The following SCYL1 variants were observed in gnomAD, a reference collection of about 807,000 sequenced individuals.
The protein encoded by SCYL1 is N-terminal kinase-like protein.
Under a neutral mutation model 94.8 loss-of-function variants are expected in SCYL1, and 85 were observed. The ratio of observed to expected loss-of-function variants is 0.90; its 90% CI spans 0.75 to 1.07. SCYL1 has a LOEUF of 1.07. Ranked by LOEUF, SCYL1 falls within the 50% of genes least tolerant of loss-of-function variation. The pLI, the probability that SCYL1 is intolerant of heterozygous loss-of-function variation, is 0.00. For missense variants in SCYL1, 968 were observed against 1,083.3 expected, an observed-to-expected ratio of 0.89 and a Z score of 1.49; for synonymous variants, 459 against 435.5, an observed-to-expected ratio of 1.05 and a Z score of -0.67.
intron 10 of SCYL1, 89 bp downstream of exon 10, chr11:65,535,471 T>C: frequency 6.6e-7 from 1 of 1,509,966 alleles, no homozygotes. Flanking sequence ...GTGGGGGCCT[T>C]CATTCTCCCA....
rs375553812 is a variant in SCYL1 at position 65,531,593 on chromosome 11, C to T, written c.1026C>T (p.Ser342=). 2.9e-5 allele frequency: 47 copies of T among 1,613,636 alleles called. No individual in the cohort carries two copies. Among genetic ancestry groups the T allele is most frequent in the Non-Finnish European group, 3.6e-5 (43 of 1,179,710 alleles). Reference sequence around the variant, plus strand: ...CCTTTCAGGTGGGCAAGTTCCTGAGCGCTGAGGAGTATCAGCAGAAGATCA... The same window carrying T: ...CCTTTCAGGTGGGCAAGTTCCTGAGTGCTGAGGAGTATCAGCAGAAGATCA... ...TPLFKVGKFL[S]AEEYQQKIIP... The change falls in exon 8 of 18, where the codon AGC becomes AGT. Residue 342 remains serine, a synonymous_variant. Coordinates refer to ENST00000270176, the MANE Select transcript of SCYL1 (RefSeq NM_020680.4).
rs755472981 is a variant in SCYL1, at chr11:65,537,073, C to T, written c.1904C>T (p.Ala635Val). ...WETQEEDKDT[A>V]EDSSTADRWD... ...ACGCAGGAGGAGGACAAGGACACAGCAGAGGACAGCAGCACTGCTGACAGA... is the reference window on the plus strand; with the variant it reads ...ACGCAGGAGGAGGACAAGGACACAGTAGAGGACAGCAGCACTGCTGACAGA... The change falls in exon 14 of 18, where the codon GCA becomes GTA. Residue 635 changes from alanine (A) to valine (V), a missense_variant. Ala to Val is a moderately conservative substitution (Grantham distance 64). Coordinates refer to ENST00000270176, the MANE Select transcript of SCYL1 (RefSeq NM_020680.4). 1.2e-6 allele frequency: 2 copies of T among 1,614,162 alleles called. No individual in the cohort carries two copies. The highest frequency in any genetic ancestry group is 1.1e-5 in the South Asian group (1 of 91,082).
At chr11:65,536,915 C>T in intron 13 of SCYL1, 71 bp from the exon 14 acceptor site, 1 of 1,207,770 alleles carries the variant, frequency 8.3e-7, no homozygotes, top group South Asian at 1.3e-5. Context: ...CCCCCAGTAG[C>T]CCCCTTCCCC....
chr11:65,534,561 G>A (rs1855549970), intron 9 of SCYL1, among the ~76,000 whole-genome samples: 1 of 152,212 alleles, frequency 6.6e-6, no homozygotes, highest in Admixed American at 6.5e-5. Context: ...GAGATGTCGA[G>A]TTGGCCACTG....
rs1331707868 is a variant in SCYL1 at position 65,526,689 on chromosome 11, C to A, written c.603-94C>A. On this transcript the variant is annotated intron_variant, in intron 4 of 17. Coordinates refer to ENST00000270176, the MANE Select transcript of SCYL1 (RefSeq NM_020680.4). The surrounding 1 kb of genome is among the most constrained non-coding windows in gnomAD (Gnocchi z 4.1). ...GGCTCAGCTGAGGGACATAGCCAGG[C>A]CCTGGCATGCAGTGGGTGCCTGGTG... is the stretch of plus-strand genomic sequence containing the variant. 2.5e-6 allele frequency: 3 copies of A among 1,212,550 alleles called. No individual in the cohort carries two copies. The highest frequency in any genetic ancestry group is 1.3e-5 in the South Asian group (1 of 75,228). 75.1% of individuals were successfully genotyped at this position (1,212,550 alleles called of 1,614,324 possible).
intron 9 of SCYL1, among the ~76,000 whole-genome samples, chr11:65,534,638 A>G (rs951968146): frequency 1.3e-5 from 2 of 152,188 alleles, no homozygotes; most frequent in African/African-American, 4.8e-5. Flanking sequence ...GTCAGCTCAC[A>G]AGATGGCATT....
At chr11:65,534,610 G>A (rs1199781441) in intron 9 of SCYL1, among the ~76,000 whole-genome samples, 1 of 152,150 alleles carries the variant, frequency 6.6e-6, no homozygotes, top group Non-Finnish European at 1.5e-5. Context: ...CTGGGCTAGG[G>A]GTATGTGCCT....
chr11:65,528,378 G>A (rs1855196832), intron 6 of SCYL1, among the ~76,000 whole-genome samples: 1 of 152,148 alleles, frequency 6.6e-6, no homozygotes, highest in African/African-American at 2.4e-5. Flanking sequence ...GGAGGTGGAG[G>A]TTGCAGTGAG....
intron 10 of SCYL1, 28 bp from the exon 11 acceptor site, chr11:65,535,925 A>G: frequency 6.5e-7 from 1 of 1,543,288 alleles, no homozygotes; most frequent in Non-Finnish European, 8.7e-7. Context: ...CCCTACACTC[A>G]GGAGCCCTCT....
At chr11:65,535,444 G>C in intron 10 of SCYL1, 62 bp downstream of exon 10, 1 of 1,586,542 alleles carries the variant, frequency 6.3e-7, no homozygotes, top group Non-Finnish European at 8.6e-7. Context: ...CCTCCTCCAG[G>C]GCCAGGAGTC....
At chr11:65,535,469 C>A in intron 10 of SCYL1, 87 bp downstream of exon 10, 1 of 1,511,608 alleles carries the variant, frequency 6.6e-7, no homozygotes. Context: ...GTGTGGGGGC[C>A]TTCATTCTCC....
rs1272581601 is a variant in SCYL1 at position 65,537,716 on chromosome 11, C to T, written c.1960-93C>T. 5 of 1,120,290 alleles carry T rather than the reference C, an allele frequency of 4.5e-6. No individual in the cohort carries two copies. In the East Asian group the frequency reaches 1.0e-4, roughly 23 times the overall value. The allele number at this position is 1,120,290 out of a possible 1,614,324, so 69.4% of individuals were successfully genotyped here. A position where few individuals can be genotyped will look rare whatever the true frequency, so the allele number is the denominator to read the frequency against. On this transcript the variant is annotated intron_variant, in intron 14 of 17. Coordinates refer to ENST00000270176, the MANE Select transcript of SCYL1 (RefSeq NM_020680.4). ...AGCAAATGAGGAGGAAGGCAAAAGA[C>T]AGTGGTGGGGCCCGTGGCTGGGATG...
At chr11:65,527,584 C>A (rs1258145527) in intron 6 of SCYL1, among the ~76,000 whole-genome samples, 2 of 151,762 alleles carry the variant, frequency 1.3e-5, no homozygotes, top group African/African-American at 4.8e-5. Flanking sequence ...ACTAAAAATA[C>A]AAAAAATCAG....
At chr11:65,528,430 A>G (rs555320975) in intron 6 of SCYL1, among the ~76,000 whole-genome samples, 2 of 150,884 alleles carry the variant, frequency 1.3e-5, no homozygotes, top group African/African-American at 2.4e-5. Flanking sequence ...CAACAAGAGC[A>G]AATCTCCGTC....
chr11:65,531,717 AC>A, intron 8 of SCYL1, 34 bp downstream of exon 8: 1 of 1,524,024 alleles, frequency 6.6e-7, no homozygotes, highest in Non-Finnish European at 9.1e-7. Flanking sequence ...GTGGTGGTCC[AC>A]CCAGACCCCA....
Position 65,525,167 on chromosome 11 carries a change from C to A in SCYL1, c.14C>A (p.Ala5Asp). The change falls in exon 1 of 18, where the codon GCC becomes GAC. Residue 5 changes from alanine to aspartate, a missense_variant. By Grantham distance (126) the Ala-to-Asp change is moderately radical (BLOSUM62 -2). Around this residue, in one of 2 missense-constraint regions of SCYL1, gnomAD observed 494 missense variants for 619.7 expected, o/e 0.80. Transcript: ENST00000270176. Reference protein sequence around the residue: MWFFARDPVRDFPFE... With the variant: MWFFDRDPVRDFPFE... ...GCGGTGGGGACGATGTGGTTCTTTG[C>A]CCGGGACCCGGTCCGGGACTTTCCG... 7.2e-7 allele frequency: 1 copy of A among 1,387,654 alleles called. No individual in the cohort carries two copies. The highest frequency in any genetic ancestry group is 9.4e-7 in the Non-Finnish European group (1 of 1,061,774). 86.0% of individuals were successfully genotyped at this position (1,387,654 alleles called of 1,614,324 possible).
chr11:65,536,626 A>AGCC lies in SCYL1; in HGVS notation c.1695_1697dup (p.Ala567dup), dbSNP rs1335152254. On this transcript the variant is annotated inframe_insertion, in exon 13 of 18. Coordinates refer to ENST00000270176, the MANE Select transcript of SCYL1 (RefSeq NM_020680.4). ...CAGCCTCCAGCCCTGGCATGGGAGG[A>AGCC]GCCGCAGCTAGCTGGGCAGGCTGGG... 6.2e-7 allele frequency: 1 copy of AGCC among 1,613,982 alleles called. No individual in the cohort carries two copies. The highest frequency in any genetic ancestry group is 1.7e-5 in the Admixed American group (1 of 60,000).
intron 7 of SCYL1, 34 bp from the exon 8 acceptor site, chr11:65,531,542 G>A (rs752964870): frequency 1.3e-6 from 2 of 1,520,988 alleles, no homozygotes; most frequent in South Asian, 1.1e-5. Context: ...GCCCATTCCT[G>A]TGAGCAGCTG....
At position 65,538,188 on chromosome 11, in the gene SCYL1, C is replaced by T. The variant is rs767418292; in HGVS notation, c.2247+6C>T. 5.1e-6 allele frequency: 8 copies of T among 1,576,206 alleles called. No homozygotes were observed. The highest frequency in any genetic ancestry group is 1.8e-5 in the Admixed American group (1 of 54,336). ...CTGCACGTCCCAGCACCCAGGTACC[C>T]AGCACAGGTCTGGCGAGAGGGTAGA... On this transcript the variant is annotated splice_donor_region_variant and intron_variant, in intron 16 of 17. Coordinates refer to ENST00000270176, the MANE Select transcript of SCYL1 (RefSeq NM_020680.4).
Sources: gnomAD v4.1 joint callset for allele counts (sites outside exome capture counted in the v4.1 genomes callset) on GRCh38, gnomAD v4.1.1 for gene constraint, gnomAD v4.1.1 regional missense constraint, Gnocchi (gnomAD v3.1) non-coding constraint, MANE v1.5 for transcripts, NCBI Gene and HGNC (gene_info 2026-07-23, HGNC 2026-07-21) for gene names.